Variants in LRMDA observed in about 807,000 individuals in gnomAD.
The protein encoded by LRMDA is leucine rich melanocyte differentiation associated.
Under a neutral mutation model 29.8 loss-of-function variants are expected in LRMDA, and 18 were observed. The observed-to-expected ratio is 0.60, with a 90% CI of 0.42 to 0.90. LRMDA has a LOEUF of 0.90. Among genes scored for constraint, LRMDA ranks in the 40% least tolerant of loss-of-function variants. The pLI is 0.00. For missense variants in LRMDA, 273 were observed against 273.9 expected (o/e 1.00, Z 0.02); for synonymous variants, 125 against 109.4 (o/e 1.14, Z -0.89).
At chr10:75,497,897 T>A (rs1208591658) in intron 2 of LRMDA, among the ~76,000 whole-genome samples, 5 of 152,230 alleles carry the variant, frequency 3.3e-5, no homozygotes, top group Admixed American at 3.3e-4. Context: ...TGTATATATA[T>A]ATTTTCACTT....
At chr10:76,534,445 C>G (rs1273230132) in intron 6 of LRMDA, among the ~76,000 whole-genome samples, 1 of 152,190 alleles carries the variant, frequency 6.6e-6, no homozygotes, top group Non-Finnish European at 1.5e-5. Flanking sequence ...TCCCTTTCCA[C>G]TGGCCTGATG....
intron 2 of LRMDA, among the ~76,000 whole-genome samples, chr10:75,700,177 T>C (rs1368714420): frequency 1.3e-5 from 2 of 152,084 alleles, no homozygotes; most frequent in African/African-American, 2.4e-5. Flanking sequence ...CAAATACATA[T>C]ACCTAAGTGA....
intron 5 of LRMDA, among the ~76,000 whole-genome samples, chr10:76,062,385 C>T (rs949657812): frequency 8.5e-5 from 13 of 152,126 alleles, no homozygotes; most frequent in Admixed American, 5.9e-4. Flanking sequence ...TGGGTGTTCT[C>T]GGCTGACACA....
chr10:75,832,818 T>C (rs1391543183), intron 2 of LRMDA, among the ~76,000 whole-genome samples: 2 of 152,152 alleles, frequency 1.3e-5, no homozygotes, highest in Non-Finnish European at 2.9e-5. Flanking sequence ...ACTTCTGTTT[T>C]TAAAACCATC....
At chr10:76,087,757 A>T (rs1167519592) in intron 5 of LRMDA, among the ~76,000 whole-genome samples, 1 of 152,230 alleles carries the variant, frequency 6.6e-6, no homozygotes, top group Non-Finnish European at 1.5e-5. Flanking sequence ...AGGAAAAGAT[A>T]AACCAGCAAT....
intron 6 of LRMDA, among the ~76,000 whole-genome samples, chr10:76,523,524 C>G (rs16933614): frequency 0.047 from 7,092 of 152,040 alleles, 205 homozygotes; most frequent in African/African-American, 0.068. Context: ...CTCCAAGTTC[C>G]TCTAGGCTAT....
intron 2 of LRMDA, among the ~76,000 whole-genome samples, chr10:75,971,144 T>A (rs1335417530): frequency 2.0e-5 from 3 of 152,206 alleles, no homozygotes; most frequent in African/African-American, 7.2e-5. Context: ...AGTACTGCCA[T>A]GTAGAGATAT....
chr10:76,145,207 A>C (rs1423216002), intron 5 of LRMDA, among the ~76,000 whole-genome samples: 1 of 152,180 alleles, frequency 6.6e-6, no homozygotes, highest in Non-Finnish European at 1.5e-5. Flanking sequence ...GGCCTCATAA[A>C]ATGAGTTAGG....
At chr10:76,013,753 A>C (rs1467234933) in intron 2 of LRMDA, among the ~76,000 whole-genome samples, 3 of 151,946 alleles carry the variant, frequency 2.0e-5, no homozygotes, top group Admixed American at 2.0e-4. Flanking sequence ...TCTCTCTGTC[A>C]CCACCCTATT....
At chr10:75,445,095 C>T (rs917821771) in intron 2 of LRMDA, among the ~76,000 whole-genome samples, 10 of 152,050 alleles carry the variant, frequency 6.6e-5, no homozygotes, top group Admixed American at 6.6e-5. Context: ...CCATGCCTGG[C>T]TAATTTTGTT....
chr10:76,325,294 G>C (rs925312578), intron 6 of LRMDA, among the ~76,000 whole-genome samples: 4 of 152,152 alleles, frequency 2.6e-5, no homozygotes, highest in African/African-American at 9.7e-5. Context: ...TGGGCAAATG[G>C]GATACTTGTA....
rs192495945 is a variant in LRMDA at position 76,249,835 on chromosome 10, T to C, written c.517-74566T>C. Among the ~76,000 whole-genome samples, 135 of 152,306 alleles carry C rather than the reference T, an allele frequency of 8.9e-4. 1 individual carries two copies. Among genetic ancestry groups the C allele is most frequent in the Non-Finnish European group, 1.8e-3 (123 of 68,018 alleles). On this transcript the variant is annotated intron_variant, in intron 5 of 6. Coordinates refer to ENST00000611255, the MANE Select transcript of LRMDA (RefSeq NM_001305581.2). ...TATTTATTTTTTGAGACAGTTTCAC[T>C]CTTGTTGCCCAGGCTGGAGTGCAAT...
intron 5 of LRMDA, among the ~76,000 whole-genome samples, chr10:76,252,387 A>G (rs970540044): frequency 6.6e-6 from 1 of 152,230 alleles, no homozygotes; most frequent in Non-Finnish European, 1.5e-5. Context: ...TGTTTGACAT[A>G]ATATTGTCAA....
At chr10:76,353,005 G>C (rs1841196262) in intron 6 of LRMDA, among the ~76,000 whole-genome samples, 1 of 152,106 alleles carries the variant, frequency 6.6e-6, no homozygotes, top group Non-Finnish European at 1.5e-5. Flanking sequence ...AGTATATCCA[G>C]CTTGAGTACT....
chr10:76,436,538 G>C (rs1392968318), intron 6 of LRMDA, among the ~76,000 whole-genome samples: 1 of 152,150 alleles, frequency 6.6e-6, no homozygotes, highest in Non-Finnish European at 1.5e-5. Flanking sequence ...GGCACTCCCT[G>C]TGCCTTTGCT....
At chr10:75,505,485 C>T (rs1338665738) in intron 2 of LRMDA, among the ~76,000 whole-genome samples, 12 of 152,130 alleles carry the variant, frequency 7.9e-5, no homozygotes, top group African/African-American at 2.2e-4. Context: ...AAACAGAAAA[C>T]GTGGAACAGG....
intron 5 of LRMDA, among the ~76,000 whole-genome samples, chr10:76,271,832 C>T (rs1348225462): frequency 6.6e-6 from 1 of 152,194 alleles, no homozygotes; most frequent in African/African-American, 2.4e-5. Context: ...ATTACTTCCC[C>T]TCGCCTTCTT....
chr10:75,495,507 A>G (rs1299197655), intron 2 of LRMDA, among the ~76,000 whole-genome samples: 1 of 152,152 alleles, frequency 6.6e-6, no homozygotes, highest in Non-Finnish European at 1.5e-5. Flanking sequence ...ACAGAGGAAA[A>G]AGTGACCAAA....
At chr10:75,845,788 G>GA (rs1210897112) in intron 2 of LRMDA, among the ~76,000 whole-genome samples, 3 of 152,134 alleles carry the variant, frequency 2.0e-5, no homozygotes, top group Non-Finnish European at 2.9e-5. Context: ...ATAGAGAGGA[G>GA]AAAAAACAGG....
Sources: gnomAD v4.1 joint callset for allele counts (sites outside exome capture counted in the v4.1 genomes callset) on GRCh38, gnomAD v4.1.1 for gene constraint, MANE v1.5 for transcripts, NCBI Gene and HGNC (gene_info 2026-07-23, HGNC 2026-07-21) for gene names.